The following ATOH8 variants were observed in gnomAD, a reference collection of about 807,000 sequenced individuals.
ATOH8 encodes transcription factor ATOH8.
A neutral mutation model predicts 21.2 loss-of-function variants in ATOH8; 9 were observed. The ratio of observed to expected loss-of-function variants is 0.42; its 90% CI spans 0.26 to 0.74. The LOEUF is 0.74. Among genes scored for constraint, ATOH8 ranks in the 30% least tolerant of loss-of-function variants. The probability of loss-of-function intolerance (pLI) is 0.24; values close to 1 mark genes in which losing one functional copy is unlikely to be tolerated. For missense variants in ATOH8, 524 were observed against 470.9 expected, an observed-to-expected ratio of 1.11 and a Z score of -1.04; for synonymous variants, 253 against 224.0, an observed-to-expected ratio of 1.13 and a Z score of -1.16.
intron 1 of ATOH8, 128 bp downstream of exon 1, chr2:85,755,085 C>G: frequency 7.8e-7 from 1 of 1,283,850 alleles, no homozygotes. Flanking sequence ...GACCCTGGTG[C>G]CCAGACAGGT....
chr2:85,763,913 C>T, intron 1 of ATOH8, 78 bp from the exon 2 acceptor site: 1 of 1,389,982 alleles, frequency 7.2e-7, no homozygotes, highest in African/African-American at 1.4e-5. Flanking sequence ...TCAGATATAC[C>T]ATAGACAGGC....
Position 85,786,898 on chromosome 2 carries a change from C to A in ATOH8, c.*8C>A. ...CATGTCTTTCAGGAGTGACTGGCTG[C>A]AGGCAAGACCAAGGCCACCACTGTG... On this transcript the variant is annotated 3_prime_UTR_variant, in exon 3 of 3. Transcript: ENST00000306279. 6.2e-7 allele frequency: 1 copy of A among 1,614,142 alleles called. No homozygotes were observed. Among genetic ancestry groups the A allele is most frequent in the Non-Finnish European group, 8.5e-7 (1 of 1,180,004 alleles).
At position 85,754,003 on chromosome 2, in the gene ATOH8, G is replaced by C. The variant is rs1414719076; in HGVS notation, c.-187G>C. ...AGGCAGCGACTTCAGATGACACTCT[G>C]AGCGCTCCGGGAACGGACAGCCCGG... On this transcript the variant is annotated 5_prime_UTR_variant, in exon 1 of 3. It removes the in-frame stop codon of an upstream open reading frame in the 5' UTR. Transcript: ENST00000306279. The C allele has an allele frequency of 1.7e-6, 1 of 581,934 alleles. No homozygotes were observed. The highest frequency in any genetic ancestry group is 2.8e-6 in the Non-Finnish European group (1 of 360,420). The allele number at this position is 581,934 out of a possible 1,614,324, so 36.0% of individuals were successfully genotyped here. A position where few individuals can be genotyped will look rare whatever the true frequency, so the allele number is the denominator to read the frequency against.
At chr2:85,770,980 A>C (rs59512984) in intron 2 of ATOH8, among the ~76,000 whole-genome samples, 8,434 of 152,128 alleles carry the variant, frequency 0.055, 733 homozygotes, top group East Asian at 0.24. Context: ...AACTGACCAC[A>C]CTGGGGAATG....
At chr2:85,780,164 C>G (rs1167414077) in intron 2 of ATOH8, among the ~76,000 whole-genome samples, 2 of 152,176 alleles carry the variant, frequency 1.3e-5, no homozygotes, top group African/African-American at 2.4e-5. Context: ...CAGCCCTGCA[C>G]TTGTGGAACC....
intron 1 of ATOH8, among the ~76,000 whole-genome samples, chr2:85,762,615 G>C (rs1159554844): frequency 1.3e-5 from 2 of 152,162 alleles, no homozygotes; most frequent in East Asian, 3.9e-4. Flanking sequence ...TCCTGGTGTA[G>C]GGTAGGGGAG....
chr2:85,789,990 T>C lies in ATOH8; in HGVS notation c.*3100T>C, dbSNP rs1040698516. Among the ~76,000 whole-genome samples, 4 of 152,208 alleles carry C rather than the reference T, an allele frequency of 2.6e-5. No homozygotes were observed. The highest frequency in any genetic ancestry group is 1.5e-5 in the Non-Finnish European group (1 of 68,046). Reference sequence around the variant, plus strand: ...ATACCCACACACACACTCGTGTACATTTCCAGAAAATGGAATTACATTTCA... The same window carrying C: ...ATACCCACACACACACTCGTGTACACTTCCAGAAAATGGAATTACATTTCA... On this transcript the variant is annotated 3_prime_UTR_variant, in exon 3 of 3. Coordinates refer to ENST00000306279, the MANE Select transcript of ATOH8 (RefSeq NM_032827.7).
intron 1 of ATOH8, among the ~76,000 whole-genome samples, chr2:85,759,380 C>T (rs1189059493): frequency 6.6e-6 from 1 of 152,168 alleles, no homozygotes; most frequent in East Asian, 1.9e-4. Context: ...GCCGTGGAGC[C>T]TCACTGCACT....
At chr2:85,759,537 G>A (rs1679806088) in intron 1 of ATOH8, among the ~76,000 whole-genome samples, 1 of 152,144 alleles carries the variant, frequency 6.6e-6, no homozygotes, top group African/African-American at 2.4e-5. Context: ...TGACCCTGGG[G>A]CTATAGCTCT....
intron 2 of ATOH8, among the ~76,000 whole-genome samples, chr2:85,765,660 G>A (rs1558611131): frequency 6.6e-6 from 1 of 152,136 alleles, no homozygotes; most frequent in Non-Finnish European, 1.5e-5. Context: ...GGGCAGAGTG[G>A]GCAGGCGCCC....
chr2:85,754,995 G>T (rs1174342237), intron 1 of ATOH8, 38 bp downstream of exon 1: 1 of 1,541,952 alleles, frequency 6.5e-7, no homozygotes, highest in East Asian at 2.3e-5. Context: ...CTGCGCCGGG[G>T]GACGACTGCG....
intron 2 of ATOH8, among the ~76,000 whole-genome samples, chr2:85,778,729 C>T (rs780215360): frequency 2.6e-5 from 4 of 152,170 alleles, no homozygotes; most frequent in Non-Finnish European, 5.9e-5. Context: ...GGAGGGGAGG[C>T]GCTTCGAGAG....
At chr2:85,776,169 G>A (rs1450948723) in intron 2 of ATOH8, among the ~76,000 whole-genome samples, 1 of 152,220 alleles carries the variant, frequency 6.6e-6, no homozygotes, top group Non-Finnish European at 1.5e-5. Context: ...TCAAGCAGCT[G>A]GGCAGGGCTG....
chr2:85,754,888 C>T lies in ATOH8; in HGVS notation c.699C>T (p.Leu233=). ...AAGCCCTGCAGCAGACCCGGAGGCT[C>T]CTGGCGAACGCCAGGGAGCGGACGC... is the stretch of plus-strand genomic sequence containing the variant. ...EIKALQQTRR[L]LANARERTRV... The change falls in exon 1 of 3, where the codon CTC becomes CTT. Residue 233 remains leucine, a synonymous_variant. Transcript: ENST00000306279. 6.2e-7 allele frequency: 1 copy of T among 1,611,226 alleles called. No homozygotes were observed. The highest frequency in any genetic ancestry group is 8.5e-7 in the Non-Finnish European group (1 of 1,179,774).
chr2:85,755,062 C>G (rs930634567), intron 1 of ATOH8, 105 bp downstream of exon 1: 13 of 1,412,074 alleles, frequency 9.2e-6, no homozygotes, highest in Admixed American at 5.6e-5. Flanking sequence ...GGGCAAGCTG[C>G]CCCGCCCGGT....
chr2:85,758,773 G>T (rs1244310984), intron 1 of ATOH8, among the ~76,000 whole-genome samples: 1 of 152,264 alleles, frequency 6.6e-6, no homozygotes, highest in East Asian at 1.9e-4. Flanking sequence ...CTGCACCAGA[G>T]CCCTCCCTGC....
At chr2:85,764,779 T>C (rs1439358281) in intron 2 of ATOH8, among the ~76,000 whole-genome samples, 1 of 152,040 alleles carries the variant, frequency 6.6e-6, no homozygotes, top group Admixed American at 6.5e-5. Flanking sequence ...GGAGACCCTC[T>C]TGTAAGTAGA....
chr2:85,774,772 C>A (rs1002742526), intron 2 of ATOH8: 4 of 985,398 alleles, frequency 4.1e-6, no homozygotes, highest in Non-Finnish European at 4.8e-6. Context: ...CGGTCACTCC[C>A]TATGTCCCAA....
intron 1 of ATOH8, chr2:85,760,975 T>G (rs1456470246): frequency 6.6e-6 from 1 of 152,252 alleles, no homozygotes; most frequent in Non-Finnish European, 1.5e-5. Flanking sequence ...GGTGCTAAAT[T>G]CTCACTTTGC....
Sources: gnomAD v4.1 joint callset for allele counts (sites outside exome capture counted in the v4.1 genomes callset) on GRCh38, gnomAD v4.1.1 for gene constraint, MANE v1.5 for transcripts, NCBI Gene and HGNC (gene_info 2026-07-23, HGNC 2026-07-21) for gene names.